Variants in MICU1 observed in about 807,000 individuals in gnomAD.
The protein encoded by MICU1 is calcium uptake protein 1, mitochondrial.
In MICU1, 45 loss-of-function variants were observed where a neutral mutation model predicts 56.8. The ratio of observed to expected loss-of-function variants is 0.79; its 90% CI spans 0.62 to 1.02. The LOEUF (loss-of-function observed/expected upper bound fraction) is 1.02, where lower values mean the gene tolerates loss of function less well. Among genes scored for constraint, MICU1 ranks in the 50% least tolerant of loss-of-function variants. The probability of loss-of-function intolerance (pLI) is 0.00; values close to 1 mark genes in which losing one functional copy is unlikely to be tolerated. For missense variants in MICU1, 504 were observed against 587.1 expected, an observed-to-expected ratio of 0.86 and a Z score of 1.46; for synonymous variants, 186 against 195.1, an observed-to-expected ratio of 0.95 and a Z score of 0.39.
chr10:72,511,682 C>T (rs992152140), intron 5 of MICU1, among the ~76,000 whole-genome samples: 6 of 152,180 alleles, frequency 3.9e-5, no homozygotes, highest in Admixed American at 6.5e-5. Context: ...GAAATTTTAT[C>T]TTTCACAAAT....
At chr10:72,414,049 C>G (rs1472003667) in intron 9 of MICU1, among the ~76,000 whole-genome samples, 1 of 152,146 alleles carries the variant, frequency 6.6e-6, no homozygotes, top group Non-Finnish European at 1.5e-5. Flanking sequence ...AATGGTTCCA[C>G]CACTTTGGAA....
chr10:72,570,073 G>A (rs988726969), intron 1 of MICU1, among the ~76,000 whole-genome samples: 3 of 152,104 alleles, frequency 2.0e-5, no homozygotes, highest in Non-Finnish European at 4.4e-5. Context: ...AGCCTCCCAA[G>A]TTGCTGGGAT....
chr10:72,408,335 G>A lies in MICU1; in HGVS notation c.1072-298C>T, dbSNP rs116123790. Among the ~76,000 whole-genome samples the A allele has an allele frequency of 5.5e-3, 836 of 152,062 alleles. 7 individuals carry two copies. The highest frequency in any genetic ancestry group is 0.019 in the African/African-American group (797 of 41,478). ...ATTTCTTCTTTTTTTTTGAGATGGAGTTTCACTCTGTCACCCAAGCTGGAG... is the reference window on the plus strand; with the variant it reads ...ATTTCTTCTTTTTTTTTGAGATGGAATTTCACTCTGTCACCCAAGCTGGAG... On this transcript the variant is annotated intron_variant, in intron 9 of 11. Coordinates refer to ENST00000361114, the MANE Select transcript of MICU1 (RefSeq NM_001195518.2).
intron 4 of MICU1, among the ~76,000 whole-genome samples, chr10:72,534,195 CAAA>C (rs11297602): frequency 5.8e-5 from 5 of 86,476 alleles, no homozygotes; most frequent in Admixed American, 2.5e-4. Flanking sequence ...AATTAAACAC[CAAA>C]AAAAAAAAAA....
intron 11 of MICU1, among the ~76,000 whole-genome samples, chr10:72,369,390 G>A (rs1862252462): frequency 6.6e-6 from 1 of 151,940 alleles, no homozygotes; most frequent in Admixed American, 6.6e-5. Flanking sequence ...TTCTCTTCCA[G>A]GCAATGGAAC....
intron 8 of MICU1, among the ~76,000 whole-genome samples, chr10:72,448,193 A>ATATATT (rs1172704084): frequency 1.1e-4 from 4 of 36,834 alleles, no homozygotes; most frequent in Non-Finnish European, 1.9e-4. Flanking sequence ...ATATATATAT[A>ATATATT]TTTTTTTTTT....
intron 5 of MICU1, among the ~76,000 whole-genome samples, chr10:72,527,925 C>G (rs1868012166): frequency 6.6e-6 from 1 of 152,120 alleles, no homozygotes; most frequent in South Asian, 2.1e-4. Context: ...CTCTCAGGTT[C>G]AAGCTATTCT....
chr10:72,592,892 C>T (rs956250995), intron 1 of MICU1, among the ~76,000 whole-genome samples: 1 of 151,692 alleles, frequency 6.6e-6, no homozygotes, highest in African/African-American at 2.4e-5. Flanking sequence ...AAGCGATTCT[C>T]CTGCCTCAGC....
chr10:72,558,582 C>A (rs139761781), intron 3 of MICU1, among the ~76,000 whole-genome samples: 1,719 of 152,160 alleles, frequency 0.011, 7 homozygotes, highest in Admixed American at 0.019. Flanking sequence ...AGAAAATGCT[C>A]ATTTAGAGCA....
At chr10:72,374,551 C>T (rs1490530632) in intron 11 of MICU1, among the ~76,000 whole-genome samples, 2 of 152,074 alleles carry the variant, frequency 1.3e-5, no homozygotes, top group Non-Finnish European at 2.9e-5. Flanking sequence ...AAAGGACTTG[C>T]AACTACCCTT....
At position 72,563,428 on chromosome 10, in the gene MICU1, G is replaced by A. The variant is rs549350504; in HGVS notation, c.162-365C>T. 5.3e-5 allele frequency among the ~76,000 whole-genome samples: 8 copies of A among 152,302 alleles called. No homozygotes were observed. The South Asian group carries it at 1.0e-3, about 20-fold the overall frequency. ...AGGAAATCCTGTCACAAGCTACAAC[G>A]TGGATGAATCTTGAGGGCGTTATGC... On this transcript the variant is annotated intron_variant, in intron 2 of 11. Coordinates refer to ENST00000361114, the MANE Select transcript of MICU1 (RefSeq NM_001195518.2).
chr10:72,440,711 CA>C (rs916701813), intron 8 of MICU1, among the ~76,000 whole-genome samples: 5 of 152,084 alleles, frequency 3.3e-5, no homozygotes, highest in African/African-American at 1.2e-4. Context: ...AAGAAGAAAA[CA>C]AACAATCCCA....
intron 1 of MICU1, among the ~76,000 whole-genome samples, chr10:72,612,390 A>G (rs1480765762): frequency 6.6e-6 from 1 of 152,242 alleles, no homozygotes; most frequent in African/African-American, 2.4e-5. Context: ...TCGAAAAGGA[A>G]GTTATTAATG....
At chr10:72,414,796 A>C (rs1650208292) in intron 9 of MICU1, among the ~76,000 whole-genome samples, 1 of 152,144 alleles carries the variant, frequency 6.6e-6, no homozygotes, top group Non-Finnish European at 1.5e-5. Flanking sequence ...GTAAAGCGAG[A>C]TATCTAATGC....
chr10:72,551,109 T>G, intron 4 of MICU1, 70 bp downstream of exon 4: 1 of 1,424,316 alleles, frequency 7.0e-7, no homozygotes, highest in East Asian at 2.4e-5. Flanking sequence ...TTCAGTACTA[T>G]GTAGAAAGAG....
chr10:72,569,235 A>ATTT (rs1245936809), intron 1 of MICU1, among the ~76,000 whole-genome samples: 43 of 42,554 alleles, frequency 1.0e-3, no homozygotes, highest in South Asian at 3.5e-3. Context: ...ATATATATAT[A>ATTT]TATTTTTTTT....
chr10:72,498,874 C>T (rs1409190028), intron 6 of MICU1, among the ~76,000 whole-genome samples: 1 of 152,150 alleles, frequency 6.6e-6, no homozygotes, highest in Non-Finnish European at 1.5e-5. Context: ...CCACCTCGTT[C>T]CATACTCCTT....
chr10:72,590,836 T>C (rs1458578480), intron 1 of MICU1, among the ~76,000 whole-genome samples: 1 of 106,498 alleles, frequency 9.4e-6, no homozygotes, highest in Non-Finnish European at 2.4e-5. Flanking sequence ...AATAAATAAA[T>C]AAATAAAAAT....
intron 10 of MICU1, among the ~76,000 whole-genome samples, chr10:72,406,851 TCCTGA>T (rs778637672): frequency 3.9e-5 from 6 of 152,140 alleles, no homozygotes; most frequent in Non-Finnish European, 8.8e-5. Context: ...GGTCTCAAAC[TCCTGA>T]CCTCAGGTGA....
Sources: allele counts gnomAD v4.1 joint callset (sites outside exome capture counted in the v4.1 genomes callset), GRCh38; gene constraint gnomAD v4.1.1; transcripts MANE v1.5; gene names NCBI Gene and HGNC (gene_info 2026-07-23, HGNC 2026-07-21).